The following CDKN2B-AS1 variants were observed in gnomAD, a reference collection of about 807,000 sequenced individuals.
The protein encoded by CDKN2B-AS1 is CDKN2B antisense RNA 1 (non-protein coding).
chr9:22,122,909 A>G (rs995862446), intron 4 of CDKN2B-AS1, among the ~76,000 whole-genome samples: 1 of 151,230 alleles, frequency 6.6e-6, no homozygotes, highest in Non-Finnish European at 1.5e-5. Flanking sequence ...AAATTTTAGA[A>G]TTTTTTTTTC....
chr9:22,053,966 A>G (rs1823456974), intron 3 of CDKN2B-AS1, among the ~76,000 whole-genome samples: 1 of 152,194 alleles, frequency 6.6e-6, no homozygotes, highest in African/African-American at 2.4e-5. Flanking sequence ...TTAAAAAAAA[A>G]AAAGTTAACT....
chr9:22,009,871 G>A (rs1263507432), intron 1 of CDKN2B-AS1, among the ~76,000 whole-genome samples: 1 of 152,044 alleles, frequency 6.6e-6, no homozygotes, highest in South Asian at 2.1e-4. Flanking sequence ...GAAAAATCCC[G>A]AGAATCATGT....
In CDKN2B-AS1 at chr9:22,060,337, A is replaced by C. The variant is rs187093972; in HGVS notation, n.438+3950A>C. On this transcript the variant is annotated intron_variant and non_coding_transcript_variant, in intron 4 of 4. Transcript: ENST00000650946. Reference sequence around the variant, plus strand: ...TCTCTCTCAAGTTCAAAGTTCCACAAATCTCTAGGGCAGAGGCAAAATGCC... The same window carrying C: ...TCTCTCTCAAGTTCAAAGTTCCACACATCTCTAGGGCAGAGGCAAAATGCC... Among the ~76,000 whole-genome samples the C allele has an allele frequency of 2.0e-5, 3 of 152,298 alleles. No homozygotes were observed. In the East Asian group the frequency reaches 5.8e-4, roughly 29 times the overall value.
At chr9:21,998,708 A>G (rs1820793831) in intron 1 of CDKN2B-AS1, among the ~76,000 whole-genome samples, 1 of 152,132 alleles carries the variant, frequency 6.6e-6, no homozygotes, top group South Asian at 2.1e-4. Flanking sequence ...GGGGAGAAAA[A>G]TCTTACTGAA....
intron 1 of CDKN2B-AS1, among the ~76,000 whole-genome samples, chr9:22,033,625 A>G (rs1387618137): frequency 3.3e-5 from 5 of 152,190 alleles, no homozygotes; most frequent in African/African-American, 4.8e-5. Context: ...GTTGAAAGTT[A>G]TCTTTCTCAG....
intron 4 of CDKN2B-AS1, among the ~76,000 whole-genome samples, chr9:22,093,617 T>C (rs959913860): frequency 1.5e-5 from 2 of 137,310 alleles, no homozygotes; most frequent in African/African-American, 6.5e-5. Context: ...TAAAGTCTGT[T>C]TTATCAGAGA....
At position 22,000,291 on chromosome 9, in the gene CDKN2B-AS1, A is replaced by C. The variant is rs1820865116; in HGVS notation, n.29+5130A>C. 6.6e-6 allele frequency among the ~76,000 whole-genome samples: 1 copy of C among 152,196 alleles called. No individual in the cohort carries two copies. Among genetic ancestry groups the C allele is most frequent in the South Asian group, 2.1e-4 (1 of 4,826 alleles). Reference sequence around the variant, plus strand: ...GGCAAACACCATTCTTATAGACATAAGACATACTTGGGAGCAAATGTATAA... The same window carrying C: ...GGCAAACACCATTCTTATAGACATACGACATACTTGGGAGCAAATGTATAA... On this transcript the variant is annotated intron_variant and non_coding_transcript_variant, in intron 1 of 4. Coordinates refer to ENST00000650946, the Ensembl canonical transcript of CDKN2B-AS1. The surrounding 1 kb of genome is among the most constrained non-coding windows in gnomAD (Gnocchi z 4.1).
At position 22,000,496 on chromosome 9, in the gene CDKN2B-AS1, A is replaced by G. The variant is rs1464386203; in HGVS notation, n.29+5335A>G. ...GATCAAATGTTTTTCAGAAAATATTATAGGTGGCACTTTGGCAGGAGATTC... is the reference window on the plus strand; with the variant it reads ...GATCAAATGTTTTTCAGAAAATATTGTAGGTGGCACTTTGGCAGGAGATTC... On this transcript the variant is annotated intron_variant and non_coding_transcript_variant, in intron 1 of 4. Coordinates refer to ENST00000650946, the Ensembl canonical transcript of CDKN2B-AS1. The surrounding 1 kb of genome is among the most constrained non-coding windows in gnomAD (Gnocchi z 4.1). 6.6e-6 allele frequency among the ~76,000 whole-genome samples: 1 copy of G among 152,214 alleles called. No individual in the cohort carries two copies. Among genetic ancestry groups the G allele is most frequent in the Non-Finnish European group, 1.5e-5 (1 of 68,020 alleles).
chr9:22,003,307 A>AC (rs397823852), intron 1 of CDKN2B-AS1: 7 of 220,792 alleles, frequency 3.2e-5, no homozygotes, highest in Admixed American at 2.3e-4. Context: ...AACAAAAAAA[A>AC]CAGTGTAATA....
intron 1 of CDKN2B-AS1, among the ~76,000 whole-genome samples, chr9:22,038,433 A>T (rs943298893): frequency 6.6e-6 from 1 of 152,032 alleles, no homozygotes; most frequent in African/African-American, 2.4e-5. Context: ...TTCAAGATTT[A>T]TGAGCTCAAA....
At position 22,001,434 on chromosome 9, in the gene CDKN2B-AS1, T is replaced by G. The variant is rs1368287049; in HGVS notation, n.29+6273T>G. On this transcript the variant is annotated intron_variant and non_coding_transcript_variant, in intron 1 of 4. Transcript: ENST00000650946. This position sits in a 1 kb window ranked among gnomAD's most constrained non-coding sequence, Gnocchi z 4.2. ...GTAGTCAGTGTGTCATCTTAATACA[T>G]TGTTCTTAGTTCTTTTTCCAGCAAA... Among the ~76,000 whole-genome samples the G allele has an allele frequency of 6.6e-6, 1 of 152,132 alleles. No individual in the cohort carries two copies. Among genetic ancestry groups the G allele is most frequent in the Non-Finnish European group, 1.5e-5 (1 of 67,978 alleles).
intron 1 of CDKN2B-AS1, among the ~76,000 whole-genome samples, chr9:22,013,383 G>C (rs1353717472): frequency 6.6e-6 from 1 of 152,068 alleles, no homozygotes; most frequent in Admixed American, 6.6e-5. Context: ...TTTGAATAAG[G>C]ATTAAAATAA....
chr9:22,026,747 C>T (rs905868258), intron 1 of CDKN2B-AS1, among the ~76,000 whole-genome samples: 1 of 152,184 alleles, frequency 6.6e-6, no homozygotes, highest in Non-Finnish European at 1.5e-5. Flanking sequence ...CCCAGACACC[C>T]AGAAAGCTGG....
chr9:22,112,756 G>C (rs1294079728), intron 4 of CDKN2B-AS1, among the ~76,000 whole-genome samples: 1 of 152,036 alleles, frequency 6.6e-6, no homozygotes, highest in Non-Finnish European at 1.5e-5. Flanking sequence ...CTTGAACTAT[G>C]TATAATTTAC....
chr9:22,030,439 A>G (rs662463), intron 1 of CDKN2B-AS1: 136,721 of 152,162 alleles, frequency 0.9, 61,442 homozygotes, highest in East Asian at 0.98. Flanking sequence ...TGGGTATTTG[A>G]CAATAAATGA....
At chr9:22,056,294 T>C (rs1488281742) in exon 4 of CDKN2B-AS1, 3 of 148,886 alleles carry the variant, frequency 2.0e-5, no homozygotes, top group African/African-American at 5.0e-5. Flanking sequence ...GGTCTTGAAC[T>C]CTCGACCTCG....
At chr9:22,057,442 G>A (rs1032079095) in intron 4 of CDKN2B-AS1, among the ~76,000 whole-genome samples, 1 of 152,132 alleles carries the variant, frequency 6.6e-6, no homozygotes, top group Non-Finnish European at 1.5e-5. Flanking sequence ...AATAAAGGTA[G>A]ATGCAGCATC....
intron 4 of CDKN2B-AS1, among the ~76,000 whole-genome samples, chr9:22,125,122 A>G (rs1452712933): frequency 6.6e-6 from 1 of 152,266 alleles, no homozygotes; most frequent in Non-Finnish European, 1.5e-5. Context: ...AAACCATTTT[A>G]TCTTGCTTGA....
chr9:22,011,721 A>G lies in CDKN2B-AS1; in HGVS notation n.29+16560A>G, dbSNP rs546492413. Among the ~76,000 whole-genome samples, 156 of 152,366 alleles carry G rather than the reference A, an allele frequency of 1.0e-3. 5 individuals are homozygous for G. The South Asian group carries it at 0.031, about 31-fold the overall frequency. On this transcript the variant is annotated intron_variant and non_coding_transcript_variant, in intron 1 of 4. Coordinates refer to ENST00000650946, the Ensembl canonical transcript of CDKN2B-AS1. ...TCAAAGATGACATTTCACATGTAATACAATAGCACATTTGTCTTGGACAAT... is the reference window on the plus strand; with the variant it reads ...TCAAAGATGACATTTCACATGTAATGCAATAGCACATTTGTCTTGGACAAT...
Sources: gnomAD v4.1 joint callset for allele counts (sites outside exome capture counted in the v4.1 genomes callset) on GRCh38, gnomAD v4.1.1 for gene constraint, Gnocchi (gnomAD v3.1) non-coding constraint, MANE v1.5 for transcripts, NCBI Gene and HGNC (gene_info 2026-07-23, HGNC 2026-07-21) for gene names.